Variants in ACSM3 observed in about 807,000 individuals in gnomAD.
ACSM3 encodes acyl-CoA synthetase medium chain family member 3, also known as acyl-coenzyme A synthetase ACSM3, mitochondrial.
Under a neutral mutation model 74.1 loss-of-function variants are expected in ACSM3, and 61 were observed. That is an observed-to-expected ratio of 0.82 (90% CI 0.67 to 1.02). The LOEUF (loss-of-function observed/expected upper bound fraction) is 1.02, where lower values mean the gene tolerates loss of function less well. Among genes scored for constraint, ACSM3 ranks in the 50% least tolerant of loss-of-function variants. The pLI is 0.00. For synonymous variants in ACSM3, 213 were observed against 241.5 expected (o/e 0.88, Z 1.09); for missense variants, 660 against 697.0 (o/e 0.95, Z 0.60).
chr16:20,773,746 G>C (rs746738803), intron 2 of ACSM3, among the ~76,000 whole-genome samples: 3 of 152,144 alleles, frequency 2.0e-5, no homozygotes, highest in Non-Finnish European at 4.4e-5. Flanking sequence ...CAATTTTTAA[G>C]AATTTGTTGA....
At chr16:20,751,767 C>T (rs1405854526) in intron 2 of ACSM3, among the ~76,000 whole-genome samples, 1 of 152,116 alleles carries the variant, frequency 6.6e-6, no homozygotes, top group African/African-American at 2.4e-5. Flanking sequence ...CATTCTTCTT[C>T]CCTTGGGGGT....
chr16:20,719,287 T>A (rs1596484593), intron 1 of ACSM3: 1 of 240,348 alleles, frequency 4.2e-6, no homozygotes, highest in Non-Finnish European at 9.0e-6. Context: ...ACAGGCTGGG[T>A]CAAGGCCACC....
chr16:20,769,500 C>T (rs924440703), intron 1 of ACSM3, among the ~76,000 whole-genome samples: 6 of 152,204 alleles, frequency 3.9e-5, no homozygotes, highest in Non-Finnish European at 7.3e-5. Flanking sequence ...GGGCTACTCT[C>T]GATTTCTTCA....
At chr16:20,729,608 T>C (rs2079819282) in intron 1 of ACSM3, 1 of 297,374 alleles carries the variant, frequency 3.4e-6, no homozygotes, top group Admixed American at 4.4e-5. Flanking sequence ...GTTCTGTCCA[T>C]TTGACCATGG....
At chr16:20,691,751 A>ATG (rs59929923) in intron 1 of ACSM3, among the ~76,000 whole-genome samples, 11,531 of 133,310 alleles carry the variant, frequency 0.086, 508 homozygotes, top group East Asian at 0.16. Flanking sequence ...TACCTCTCCA[A>ATG]TGTGTGTGTG....
chr16:20,717,892 AAGGAGAAGGAGG>A (rs2152386943), intron 1 of ACSM3, among the ~76,000 whole-genome samples: 1 of 147,860 alleles, frequency 6.8e-6, no homozygotes, highest in East Asian at 2.1e-4. Context: ...GAAGGGGAAG[AAGGAGAAGGAGG>A]AAAAAAAGAA....
intron 12 of ACSM3, chr16:20,796,131 C>T: frequency 2.0e-6 from 1 of 497,926 alleles, no homozygotes; most frequent in African/African-American, 1.9e-5. Context: ...ATAAGTAATC[C>T]CCCATGCTGA....
At chr16:20,782,809 C>G (rs2080382078) in intron 7 of ACSM3, among the ~76,000 whole-genome samples, 1 of 152,154 alleles carries the variant, frequency 6.6e-6, no homozygotes, top group Non-Finnish European at 1.5e-5. Context: ...ACTTACATTT[C>G]CCAGCTTATT....
chr16:20,746,292 CT>C (rs531225432), intron 1 of ACSM3, among the ~76,000 whole-genome samples: 1 of 152,038 alleles, frequency 6.6e-6, no homozygotes, highest in Non-Finnish European at 1.5e-5. Context: ...CTGTTTTTTT[CT>C]TTTTGATGTA....
intron 1 of ACSM3, among the ~76,000 whole-genome samples, chr16:20,686,860 G>T (rs527301484): frequency 6.6e-6 from 1 of 151,614 alleles, no homozygotes; most frequent in Non-Finnish European, 1.5e-5. Context: ...TAATTGGTAT[G>T]ACTGCAGTAG....
intron 1 of ACSM3, chr16:20,737,339 T>G (rs1255536386): frequency 5.3e-6 from 8 of 1,518,656 alleles, no homozygotes; most frequent in Non-Finnish European, 7.0e-6. Flanking sequence ...TTACATCTGA[T>G]AGATACAAAA....
At chr16:20,685,341 C>G (rs1177710032) in intron 1 of ACSM3, 2 of 1,614,186 alleles carry the variant, frequency 1.2e-6, no homozygotes, top group Non-Finnish European at 1.7e-6. Flanking sequence ...TGAAGCTCCA[C>G]TTTACTTCAT....
intron 7 of ACSM3, chr16:20,783,562 A>G (rs569620426): frequency 1.3e-5 from 2 of 152,318 alleles, no homozygotes; most frequent in South Asian, 2.1e-4. Flanking sequence ...CTCAACATCT[A>G]TGTATTTCTT....
At position 20,737,751 on chromosome 16, in the gene ACSM3, A is replaced by G. The variant is rs142453544; in HGVS notation, c.-189-12159A>G. 5 of 1,613,648 alleles carry G rather than the reference A, an allele frequency of 3.1e-6. No homozygotes were observed. The African/African-American group carries it at 5.3e-5, about 17-fold the overall frequency. ...CTTCTTCTCTATTCACATGACTGTT[A>G]TTTCGAGATTTGTACACAATCTGAA... On this transcript the variant is annotated intron_variant, in intron 1 of 3. Coordinates refer to the ACSM3 transcript ENST00000561584.
intron 12 of ACSM3, among the ~76,000 whole-genome samples, chr16:20,795,063 C>T (rs1322529361): frequency 2.6e-5 from 4 of 152,144 alleles, no homozygotes; most frequent in Non-Finnish European, 4.4e-5. Context: ...GCTAGCATAA[C>T]TACAAATGCA....
At chr16:20,716,823 C>T (rs138905475) in intron 1 of ACSM3, among the ~76,000 whole-genome samples, 2 of 152,244 alleles carry the variant, frequency 1.3e-5, no homozygotes, top group Non-Finnish European at 2.9e-5. Flanking sequence ...CCTTTGACTC[C>T]GCCGGACTTC....
At chr16:20,779,085 T>C (rs2080297008) in intron 4 of ACSM3, among the ~76,000 whole-genome samples, 1 of 152,138 alleles carries the variant, frequency 6.6e-6, no homozygotes, top group Non-Finnish European at 1.5e-5. Context: ...AAGATAATTA[T>C]GAAATCATAG....
intron 1 of ACSM3, chr16:20,697,507 C>G (rs2079695827): frequency 6.7e-6 from 1 of 149,934 alleles, no homozygotes; most frequent in Non-Finnish European, 1.5e-5. Flanking sequence ...AGTGACTTGC[C>G]CAAGGTCACT....
intron 1 of ACSM3, among the ~76,000 whole-genome samples, chr16:20,675,638 A>C (rs190905928): frequency 1.6e-4 from 24 of 152,358 alleles, no homozygotes; most frequent in Admixed American, 1.2e-3. Context: ...TTCAAAAGTT[A>C]AGGACATACT....
Sources: gnomAD v4.1 joint callset for allele counts (sites outside exome capture counted in the v4.1 genomes callset) on GRCh38, gnomAD v4.1.1 for gene constraint, MANE v1.5 for transcripts, NCBI Gene and HGNC (gene_info 2026-07-23, HGNC 2026-07-21) for gene names.